The following RBM26 variants were observed in gnomAD, a reference collection of about 807,000 sequenced individuals.
RBM26 encodes the protein RNA binding motif protein 26.
In RBM26, 30 loss-of-function variants were observed where a neutral mutation model predicts 123.6. The ratio of observed to expected loss-of-function variants is 0.24; its 90% confidence interval spans 0.18 to 0.33. The LOEUF is 0.33. Ranked by LOEUF, RBM26 falls within the 10% of genes least tolerant of loss-of-function variation. The pLI is 1.00. For synonymous variants in RBM26, 400 were observed against 404.4 expected (o/e 0.99, Z 0.13); for missense variants, 947 against 1,203.6 (o/e 0.79, Z 3.15).
chr13:79,338,820 T>C (rs1404933280), intron 18 of RBM26, among the ~76,000 whole-genome samples: 2 of 152,284 alleles, frequency 1.3e-5, no homozygotes, highest in East Asian at 3.9e-4. Flanking sequence ...GCAATGGAGA[T>C]AGAAGTAAAC....
chr13:79,392,788 A>G (rs1466000100), intron 1 of RBM26, among the ~76,000 whole-genome samples: 2 of 115,660 alleles, frequency 1.7e-5, no homozygotes, highest in Admixed American at 1.6e-4. Context: ...CAAGCTTGAG[A>G]AGACCAAAAA....
Position 79,355,381 on chromosome 13 carries a change from C to A in RBM26, c.1693G>T (p.Ala565Ser), listed in dbSNP as rs747162512. The change falls in exon 12 of 22, where the codon GCT (alanine) becomes TCT (serine). Residue 565 changes from alanine to serine, a missense_variant. Around this residue, in one of 5 missense-constraint regions of RBM26, gnomAD observed 493 missense variants for 563.1 expected, o/e 0.88. Transcript: ENST00000438737. ...RFGTLVNLQV[A>S]YNGDPEGALI... ...GCACCTTCAGGATCACCATTATAAG[C>A]AACCTAAGATTTAAAATATTAAGAA... 6.2e-7 allele frequency: 1 copy of A among 1,611,850 alleles called. No individual in the cohort carries two copies. The highest frequency in any genetic ancestry group is 8.5e-7 in the Non-Finnish European group (1 of 1,178,708).
Position 79,337,273 on chromosome 13 carries a change from A to C in RBM26, c.2562T>G (p.Gly854=). 12 of 1,614,134 alleles carry C rather than the reference A, an allele frequency of 7.4e-6. No individual in the cohort carries two copies. Among genetic ancestry groups the C allele is most frequent in the Non-Finnish European group, 1.0e-5 (12 of 1,180,012 alleles). Residue 854 remains glycine (G), a synonymous_variant, in exon 19 of 22, where the codon GGT becomes GGG. Transcript: ENST00000438737. ...EAAKRGILSS[G]RGRGIHSRGR... is the part of the protein sequence containing the mutation. ...CTCTTGAATGAATTCCTCTGCCCCGACCAGATGAAAGAATCCCTCGTTTGG... is the reference window on the plus strand; with the variant it reads ...CTCTTGAATGAATTCCTCTGCCCCGCCCAGATGAAAGAATCCCTCGTTTGG...
chr13:79,355,396 A>G lies in RBM26; in HGVS notation c.1690-12T>C. The G allele has an allele frequency of 6.2e-7, 1 of 1,607,718 alleles. No homozygotes were observed. Among genetic ancestry groups the G allele is most frequent in the South Asian group, 1.1e-5 (1 of 90,664 alleles). ...CCATTATAAGCAACCTAAGATTTAA[A>G]ATATTAAGAACAGTGAATTTCCAAA... On this transcript the variant is annotated splice_polypyrimidine_tract_variant and intron_variant, in intron 11 of 21. Coordinates refer to ENST00000438737, the MANE Select transcript of RBM26 (RefSeq NM_001366735.2).
intron 20 of RBM26, among the ~76,000 whole-genome samples, chr13:79,324,378 A>G (rs2068078522): frequency 6.6e-6 from 1 of 151,864 alleles, no homozygotes; most frequent in Admixed American, 6.6e-5. Flanking sequence ...TAGCATAATT[A>G]AAGCAATTTC....
At chr13:79,356,258 A>T (rs1274816689) in intron 11 of RBM26, among the ~76,000 whole-genome samples, 2 of 151,692 alleles carry the variant, frequency 1.3e-5, no homozygotes, top group Non-Finnish European at 2.9e-5. Context: ...GGTCCCAGCT[A>T]CTCGGGACGC....
intron 1 of RBM26, among the ~76,000 whole-genome samples, chr13:79,381,805 T>TA (rs1323766270): frequency 2.6e-5 from 4 of 152,008 alleles, no homozygotes; most frequent in African/African-American, 9.7e-5. Flanking sequence ...CTGAACTGAA[T>TA]AAAAAACGAT....
chr13:79,344,413 C>T, intron 15 of RBM26, 91 bp from the exon 16 acceptor site: 1 of 1,031,366 alleles, frequency 9.7e-7, no homozygotes, highest in Non-Finnish European at 1.5e-6. Flanking sequence ...CTGCAGAAGT[C>T]TGTCAACAAA....
chr13:79,329,741 C>G (rs2069004445), intron 20 of RBM26, among the ~76,000 whole-genome samples: 1 of 152,146 alleles, frequency 6.6e-6, no homozygotes, highest in East Asian at 1.9e-4. Context: ...TGAACCTTAT[C>G]TAGATCCTTA....
At chr13:79,401,878 A>T (rs1011730958) in intron 1 of RBM26, among the ~76,000 whole-genome samples, 5 of 152,152 alleles carry the variant, frequency 3.3e-5, no homozygotes, top group African/African-American at 1.2e-4. Context: ...CCTCCACAGC[A>T]CTACACAGTG....
Position 79,319,062 on chromosome 13 carries a change from C to A in RBM26, c.*1559G>T. On this transcript the variant is annotated 3_prime_UTR_variant, in exon 22 of 22. Coordinates refer to ENST00000438737, the MANE Select transcript of RBM26 (RefSeq NM_001366735.2). ...GAAATTTTAAATATAAACGTAGACA[C>A]GAATTGCAAGGCAAAGCATTTCTAT... The A allele has an allele frequency of 2.0e-6, 2 of 984,192 alleles. No individual in the cohort carries two copies. The highest frequency in any genetic ancestry group is 2.4e-6 in the Non-Finnish European group (2 of 829,118). The allele number at this position is 984,192 out of a possible 1,614,324, so 61.0% of individuals were successfully genotyped here.
intron 1 of RBM26, among the ~76,000 whole-genome samples, chr13:79,402,013 G>T (rs562097081): frequency 7.6e-6 from 1 of 130,730 alleles, no homozygotes. Flanking sequence ...AGATGTTTAG[G>T]TGTCTCTTCA....
In RBM26 at chr13:79,319,129, C is replaced by T. The variant is rs2067407458; in HGVS notation, c.*1492G>A. The T allele has an allele frequency of 1.0e-5, 10 of 984,376 alleles. No homozygotes were observed. Among genetic ancestry groups the T allele is most frequent in the Non-Finnish European group, 1.2e-5 (10 of 829,416 alleles). 61.0% of individuals were successfully genotyped at this position (984,376 alleles called of 1,614,324 possible). A position where few individuals can be genotyped will look rare whatever the true frequency, so the allele number is the denominator to read the frequency against. On this transcript the variant is annotated 3_prime_UTR_variant, in exon 22 of 22. Coordinates refer to ENST00000438737, the MANE Select transcript of RBM26 (RefSeq NM_001366735.2). ...CAAGAAAATACACACAACTTCAACC[C>T]CAATTAGGGGTGTATGGGGAAGAAG...
chr13:79,373,462 TAATATGTATAAATATAC>T (rs1566508090), intron 3 of RBM26, among the ~76,000 whole-genome samples: 34,518 of 71,588 alleles, frequency 0.48, 8,074 homozygotes, highest in East Asian at 0.67. Flanking sequence ...TAAATATATA[TAATATGTATAAATATAC>T]AAATATATAT....
intron 18 of RBM26, 40 bp downstream of exon 18, chr13:79,341,083 G>A: frequency 8.6e-7 from 1 of 1,165,104 alleles, no homozygotes; most frequent in South Asian, 1.3e-5. Flanking sequence ...AACTACATTT[G>A]CTTCTTTTAA....
At chr13:79,382,715 G>C (rs2077160392) in intron 1 of RBM26, among the ~76,000 whole-genome samples, 1 of 152,120 alleles carries the variant, frequency 6.6e-6, no homozygotes, top group African/African-American at 2.4e-5. Flanking sequence ...GAAATGGCTG[G>C]GGGGGAAACA....
chr13:79,384,685 A>G (rs373475540), intron 1 of RBM26, among the ~76,000 whole-genome samples: 16 of 152,328 alleles, frequency 1.1e-4, no homozygotes, highest in East Asian at 7.7e-4. Context: ...AGAGGGAAGT[A>G]CACACACTAA....
At chr13:79,366,029 G>T in intron 8 of RBM26, 26 bp downstream of exon 8, 1 of 1,604,576 alleles carries the variant, frequency 6.2e-7, no homozygotes, top group Non-Finnish European at 8.5e-7. Context: ...GTTACATTAC[G>T]AATATAAAAA....
chr13:79,373,172 T>C (rs2076172649), intron 3 of RBM26, among the ~76,000 whole-genome samples: 1 of 110,740 alleles, frequency 9.0e-6, no homozygotes, highest in Non-Finnish European at 1.7e-5. Flanking sequence ...TATATTTATA[T>C]AAATTTTTAT....
Sources: gnomAD v4.1 joint callset for allele counts (sites outside exome capture counted in the v4.1 genomes callset) on GRCh38, gnomAD v4.1.1 for gene constraint, gnomAD v4.1.1 regional missense constraint, MANE v1.5 for transcripts, NCBI Gene and HGNC (gene_info 2026-07-23, HGNC 2026-07-21) for gene names.